DLG2: variants seen among roughly 807,000 people sequenced by gnomAD.
DLG2 encodes disks large homolog 2.
Under a neutral mutation model 132.5 loss-of-function variants are expected in DLG2, and 45 were observed. The ratio of observed to expected loss-of-function variants is 0.34; its 90% CI spans 0.27 to 0.44. The LOEUF (loss-of-function observed/expected upper bound fraction) is 0.44, where lower values mean the gene tolerates loss of function less well. Among genes scored for constraint, DLG2 ranks in the 20% least tolerant of loss-of-function variants. The probability of loss-of-function intolerance (pLI) is 1.00; values close to 1 mark genes in which losing one functional copy is unlikely to be tolerated. For missense variants in DLG2, 1,045 were observed against 1,196.9 expected (o/e 0.87, Z 1.87); for synonymous variants, 424 against 419.6 (o/e 1.01, Z -0.13).
At chr11:85,319,990 T>C (rs2080944324) in intron 3 of DLG2, among the ~76,000 whole-genome samples, 1 of 151,854 alleles carries the variant, frequency 6.6e-6, no homozygotes, top group Non-Finnish European at 1.5e-5. Flanking sequence ...TTCCTTCATA[T>C]CAGGTAAAGC....
At chr11:83,819,590 A>G (rs1272482456) in intron 17 of DLG2, among the ~76,000 whole-genome samples, 1 of 152,064 alleles carries the variant, frequency 6.6e-6, no homozygotes, top group Non-Finnish European at 1.5e-5. Flanking sequence ...AAAGTACATG[A>G]AAAACTACCC....
chr11:84,224,873 G>T (rs534133519), intron 8 of DLG2, among the ~76,000 whole-genome samples: 46 of 152,176 alleles, frequency 3.0e-4, no homozygotes, highest in African/African-American at 1.1e-3. Context: ...ATCTTTCTTT[G>T]TATATGACTG....
chr11:85,014,474 T>G (rs2059404704), intron 6 of DLG2, among the ~76,000 whole-genome samples: 2 of 152,186 alleles, frequency 1.3e-5, no homozygotes, highest in African/African-American at 4.8e-5. Context: ...AGCATCTTTA[T>G]AGCTTCACCC....
At position 84,035,620 on chromosome 11, in the gene DLG2, T is replaced by A. The variant is rs537527070; in HGVS notation, c.919+23695A>T. Among the ~76,000 whole-genome samples, 75 of 152,272 alleles carry A rather than the reference T, an allele frequency of 4.9e-4. 2 individuals carry two copies. The highest frequency in any genetic ancestry group is 1.7e-3 in the African/African-American group (71 of 41,550). On this transcript the variant is annotated intron_variant, in intron 11 of 27. Coordinates refer to ENST00000376104, the MANE Select transcript of DLG2 (RefSeq NM_001142699.3). ...GTAGCCAGGGGCTGGCAAACTATGG[T>A]AAGGCTGTGGAGTTTGATTAAGTGG... is the stretch of plus-strand genomic sequence containing the variant.
intron 6 of DLG2, among the ~76,000 whole-genome samples, chr11:84,759,846 C>T (rs191767093): frequency 1.9e-4 from 29 of 151,874 alleles, no homozygotes; most frequent in Non-Finnish European, 3.7e-4. Flanking sequence ...AAAATTTATA[C>T]ATAGGGATCC....
intron 4 of DLG2, among the ~76,000 whole-genome samples, chr11:85,250,538 G>C (rs2076348419): frequency 6.6e-6 from 1 of 151,966 alleles, no homozygotes; most frequent in Non-Finnish European, 1.5e-5. Context: ...AGTGGGAAAG[G>C]CTCTCATGTT....
intron 18 of DLG2, 49 bp from the exon 19 acceptor site, chr11:83,633,374 T>G (rs45599038): frequency 1.3e-6 from 2 of 1,498,876 alleles, no homozygotes; most frequent in African/African-American, 1.4e-5. Context: ...CCCTCAAGAG[T>G]TGGAAATGCT....
chr11:84,489,460 C>G (rs189261740), intron 7 of DLG2, among the ~76,000 whole-genome samples: 2 of 152,244 alleles, frequency 1.3e-5, no homozygotes, highest in African/African-American at 4.8e-5. Context: ...AAGGAACACA[C>G]AGTCCCTTAG....
chr11:83,562,418 G>T (rs930064606), intron 19 of DLG2, among the ~76,000 whole-genome samples: 2 of 151,940 alleles, frequency 1.3e-5, no homozygotes, highest in Non-Finnish European at 2.9e-5. Context: ...TGGGTGGGGG[G>T]GTACCATTTA....
In DLG2 at chr11:84,611,687, A is replaced by C. The variant is rs1401247204; in HGVS notation, c.358-76956T>G. Among the ~76,000 whole-genome samples, 8 of 152,160 alleles carry C rather than the reference A, an allele frequency of 5.3e-5. 1 individual carries two copies. The highest frequency in any genetic ancestry group is 3.3e-4 in the Admixed American group (5 of 15,264). The stretch of plus-strand genomic sequence containing the variant: ...ATAACTCCACCTCTTAAGAAACTTA[A>C]ATGAGGAGTGACTACAAAGATTTTT... On this transcript the variant is annotated intron_variant, in intron 6 of 27. Coordinates refer to ENST00000376104, the MANE Select transcript of DLG2 (RefSeq NM_001142699.3).
chr11:84,530,864 G>A (rs927605202), intron 7 of DLG2, among the ~76,000 whole-genome samples: 1 of 152,186 alleles, frequency 6.6e-6, no homozygotes, highest in Admixed American at 6.5e-5. Flanking sequence ...CAAAGGCAAG[G>A]AATCAACCTA....
intron 8 of DLG2, among the ~76,000 whole-genome samples, chr11:84,190,266 A>T (rs561481162): frequency 6.6e-6 from 1 of 152,284 alleles, no homozygotes; most frequent in East Asian, 1.9e-4. Context: ...ATAAAGACAG[A>T]AAGAAAAAGA....
chr11:84,060,066 A>C (rs2096566652), intron 10 of DLG2, among the ~76,000 whole-genome samples: 1 of 152,184 alleles, frequency 6.6e-6, no homozygotes, highest in Non-Finnish European at 1.5e-5. Context: ...TAATCCCAGC[A>C]CTTTGGGAGG....
intron 19 of DLG2, among the ~76,000 whole-genome samples, chr11:83,596,225 C>T (rs1443918470): frequency 6.6e-6 from 1 of 152,072 alleles, no homozygotes; most frequent in East Asian, 1.9e-4. Flanking sequence ...GATGTCCATT[C>T]TTCCCTCCCT....
intron 6 of DLG2, among the ~76,000 whole-genome samples, chr11:84,543,760 G>C (rs1016308035): frequency 2.6e-5 from 4 of 152,162 alleles, no homozygotes; most frequent in African/African-American, 9.6e-5. Context: ...AAGAATGTAA[G>C]TAACAGCACT....
intron 6 of DLG2, among the ~76,000 whole-genome samples, chr11:84,974,814 C>T (rs1057074295): frequency 6.6e-6 from 1 of 152,178 alleles, no homozygotes; most frequent in African/African-American, 2.4e-5. Flanking sequence ...CCCCAGATAA[C>T]TGTGATGCAT....
intron 8 of DLG2, among the ~76,000 whole-genome samples, chr11:84,194,164 T>C (rs1166643735): frequency 1.3e-5 from 2 of 152,218 alleles, no homozygotes; most frequent in Non-Finnish European, 2.9e-5. Context: ...CTTCCTCCTA[T>C]ACTCTATCCT....
At chr11:85,295,927 T>A (rs512775) in intron 3 of DLG2, among the ~76,000 whole-genome samples, 1 of 152,028 alleles carries the variant, frequency 6.6e-6, no homozygotes, top group African/African-American at 2.4e-5. Flanking sequence ...GAGACAAGAA[T>A]GCTTATGCAC....
chr11:84,690,221 C>T lies in DLG2; in HGVS notation c.358-155490G>A, dbSNP rs544644759. Among the ~76,000 whole-genome samples the T allele has an allele frequency of 9.1e-4, 138 of 151,880 alleles. 4 individuals carry two copies. The South Asian group carries it at 0.027, about 30-fold the overall frequency. Reference sequence around the variant, plus strand: ...TCAGTTTTAGATATTTATTGCACTACATGGTAGTCATAATTAACAATACTA... The same window carrying T: ...TCAGTTTTAGATATTTATTGCACTATATGGTAGTCATAATTAACAATACTA... On this transcript the variant is annotated intron_variant, in intron 6 of 27. Coordinates refer to ENST00000376104, the MANE Select transcript of DLG2 (RefSeq NM_001142699.3).
Sources: gnomAD v4.1 joint callset for allele counts (sites outside exome capture counted in the v4.1 genomes callset) on GRCh38, gnomAD v4.1.1 for gene constraint, MANE v1.5 for transcripts, NCBI Gene and HGNC (gene_info 2026-07-23, HGNC 2026-07-21) for gene names.